Variants in DDR2 observed in about 807,000 individuals in gnomAD.
The protein encoded by DDR2 is discoidin domain receptor tyrosine kinase 2, also known as discoidin domain-containing receptor 2.
A neutral mutation model predicts 94.9 loss-of-function variants in DDR2; 27 were observed. The observed-to-expected ratio is 0.28, with a 90% CI of 0.21 to 0.39. DDR2 has a LOEUF of 0.39. Ranked by LOEUF, DDR2 falls within the 10% of genes least tolerant of loss-of-function variation. DDR2 has a pLI of 1.00. For synonymous variants in DDR2, 382 were observed against 377.2 expected (o/e 1.01, Z -0.15); for missense variants, 783 against 1,076.0 (o/e 0.73, Z 3.81).
At chr1:162,768,989 G>A (rs1394290241) in intron 11 of DDR2, among the ~76,000 whole-genome samples, 1 of 152,232 alleles carries the variant, frequency 6.6e-6, no homozygotes, top group East Asian at 1.9e-4. Context: ...TGAACTGCTT[G>A]AAGAGGATAT....
In DDR2 at chr1:162,645,038, C is replaced by T. The variant is rs116737688; in HGVS notation, c.-191-10173C>T. On this transcript the variant is annotated intron_variant, in intron 1 of 17. Coordinates refer to ENST00000367921, the MANE Select transcript of DDR2 (RefSeq NM_006182.4). ...TTGCTATTGGCAATGTAAGGTGGGT[C>T]GGAAAGTTTGTGAAGCAATGGCCAA... 2.9e-3 allele frequency among the ~76,000 whole-genome samples: 435 copies of T among 152,272 alleles called. 1 individual carries two copies. The highest frequency in any genetic ancestry group is 0.01 in the African/African-American group (419 of 41,552).
At chr1:162,721,139 TGA>T (rs1396883437) in intron 3 of DDR2, among the ~76,000 whole-genome samples, 2 of 152,150 alleles carry the variant, frequency 1.3e-5, no homozygotes, top group Non-Finnish European at 2.9e-5. Context: ...AAGAGTGCTG[TGA>T]GTGCATGGAA....
rs952554567 is a variant in DDR2, at chr1:162,763,452, G to A, written c.1099+1998G>A. On this transcript the variant is annotated intron_variant, in intron 9 of 17. Coordinates refer to ENST00000367921, the MANE Select transcript of DDR2 (RefSeq NM_006182.4). ...AACCTCAGGCGATCCAGCCGCCTAG[G>A]CCTCCCAAAGTGCTGGGATTACAGA... Among the ~76,000 whole-genome samples the A allele has an allele frequency of 2.9e-5, 4 of 138,858 alleles. No individual in the cohort carries two copies. The East Asian group carries it at 9.0e-4, about 31-fold the overall frequency. The allele number at this position is 138,858 out of a possible 152,430, so 91.1% of individuals were successfully genotyped here. A position where few individuals can be genotyped will look rare whatever the true frequency, so the allele number is the denominator to read the frequency against.
At chr1:162,750,340 T>C (rs886982149) in intron 3 of DDR2, among the ~76,000 whole-genome samples, 2 of 152,132 alleles carry the variant, frequency 1.3e-5, no homozygotes, top group African/African-American at 4.8e-5. Flanking sequence ...AGCATTCCTA[T>C]ACACCAATAA....
At chr1:162,657,669 TG>T (rs1054072607) in intron 2 of DDR2, among the ~76,000 whole-genome samples, 9 of 152,208 alleles carry the variant, frequency 5.9e-5, no homozygotes, top group African/African-American at 1.2e-4. Flanking sequence ...TAACAAGCTG[TG>T]GGGGGCCTGT....
rs1291613281 is a variant in DDR2, at chr1:162,755,197, G to T, written c.459G>T (p.Lys153Asn). The T allele has an allele frequency of 4.3e-6, 7 of 1,614,082 alleles. No homozygotes were observed. The highest frequency in any genetic ancestry group is 5.9e-6 in the Non-Finnish European group (7 of 1,180,012). Reference protein sequence around the residue: ...GNSNPYDIFLKDLEPPIVARF... With the variant: ...GNSNPYDIFLNDLEPPIVARF... The stretch of plus-strand genomic sequence containing the variant: ...GTAACCCCTATGACATTTTCCTAAA[G>T]GACTTGGAGCCGCCCATTGTAGCCA... The change falls in exon 6 of 18, where the codon AAG becomes AAT. Residue 153 changes from lysine (K) to asparagine (N), a missense_variant. Physicochemically the swap from Lys to Asn is moderately conservative, Grantham distance 94. Around this residue, in one of 2 missense-constraint regions of DDR2, gnomAD observed 519 missense variants for 647.9 expected, o/e 0.80. Transcript: ENST00000367921.
At chr1:162,764,133 C>G (rs992527444) in intron 9 of DDR2, among the ~76,000 whole-genome samples, 2 of 152,124 alleles carry the variant, frequency 1.3e-5, no homozygotes, top group African/African-American at 2.4e-5. Context: ...GTTAGGGTAA[C>G]AGTGGGATAA....
intron 1 of DDR2, among the ~76,000 whole-genome samples, chr1:162,633,959 G>A (rs1411117336): frequency 6.6e-6 from 1 of 152,212 alleles, no homozygotes; most frequent in African/African-American, 2.4e-5. Context: ...AGCGAAATGA[G>A]TTGCTCAAGG....
In DDR2 at chr1:162,780,418, CACTTT is replaced by C; in HGVS notation, c.*173_*177del. ...CCACTCCCTACCCCTGACTCATATA[CACTTT>C]TTTTTTTTTTTACATTAAAGAACTA... On this transcript the variant is annotated 3_prime_UTR_variant, in exon 18 of 18. Coordinates refer to ENST00000367921, the MANE Select transcript of DDR2 (RefSeq NM_006182.4). 3.7e-6 allele frequency: 3 copies of C among 813,290 alleles called. No individual in the cohort carries two copies. The highest frequency in any genetic ancestry group is 1.8e-5 in the South Asian group (1 of 55,380). The allele number at this position is 813,290 out of a possible 1,614,324, so 50.4% of individuals were successfully genotyped here. A position where few individuals can be genotyped will look rare whatever the true frequency, so the allele number is the denominator to read the frequency against.
intron 2 of DDR2, among the ~76,000 whole-genome samples, chr1:162,664,772 A>G (rs543672408): frequency 6.6e-6 from 1 of 152,330 alleles, no homozygotes; most frequent in East Asian, 1.9e-4. Flanking sequence ...TTCATCAGAA[A>G]AATAAATGAG....
chr1:162,684,810 C>CCAACA (rs754871590), intron 2 of DDR2, among the ~76,000 whole-genome samples: 1 of 131,940 alleles, frequency 7.6e-6, no homozygotes, highest in East Asian at 2.1e-4. Context: ...AACACACCCA[C>CCAACA]CAACACACAC....
chr1:162,711,873 T>C (rs1367256809), intron 2 of DDR2, among the ~76,000 whole-genome samples: 1 of 152,096 alleles, frequency 6.6e-6, no homozygotes, highest in Non-Finnish European at 1.5e-5. Flanking sequence ...CTATCATGTG[T>C]ATTTAGATCT....
At chr1:162,669,710 A>T (rs1658741322) in intron 2 of DDR2, among the ~76,000 whole-genome samples, 1 of 152,220 alleles carries the variant, frequency 6.6e-6, no homozygotes, top group Non-Finnish European at 1.5e-5. Flanking sequence ...CCTTTATGTG[A>T]ATTATTTAAT....
intron 2 of DDR2, among the ~76,000 whole-genome samples, chr1:162,672,439 T>C (rs1373211851): frequency 6.6e-6 from 1 of 152,164 alleles, no homozygotes; most frequent in African/African-American, 2.4e-5. Context: ...TTTTGCAAAG[T>C]AGTGCACAAA....
intron 2 of DDR2, among the ~76,000 whole-genome samples, chr1:162,672,687 A>G (rs1294792822): frequency 2.0e-5 from 3 of 152,322 alleles, no homozygotes; most frequent in African/African-American, 7.2e-5. Flanking sequence ...ATCTCCACTC[A>G]TAGTATTGTG....
chr1:162,699,855 T>C (rs1284070519), intron 2 of DDR2, among the ~76,000 whole-genome samples: 1 of 152,206 alleles, frequency 6.6e-6, no homozygotes. Context: ...ACATAAACAC[T>C]GAGATTTTTG....
At chr1:162,744,621 A>G (rs915111792) in intron 3 of DDR2, among the ~76,000 whole-genome samples, 3 of 152,140 alleles carry the variant, frequency 2.0e-5, no homozygotes, top group Admixed American at 6.6e-5. Context: ...CACCCATCAA[A>G]CCATCATCTA....
At position 162,786,129 on chromosome 1, in the gene DDR2, G is replaced by C. The variant is rs922625143; in HGVS notation, c.*5883G>C. On this transcript the variant is annotated 3_prime_UTR_variant, in exon 18 of 18. Transcript: ENST00000367921. ...CAATGGGATAAGGTAATCACTTTCA[G>C]TGAAAAACTGTTTTCTTGAAAACAG... 3.3e-5 allele frequency: 5 copies of C among 152,212 alleles called. No individual in the cohort carries two copies. Among genetic ancestry groups the C allele is most frequent in the Admixed American group, 1.3e-4 (2 of 15,276 alleles). 9.4% of individuals were successfully genotyped at this position (152,212 alleles called of 1,614,324 possible). A position where few individuals can be genotyped will look rare whatever the true frequency, so the allele number is the denominator to read the frequency against.
In DDR2 at chr1:162,699,592, C is replaced by A. The variant is rs144068644; in HGVS notation, c.-27-19445C>A. On this transcript the variant is annotated intron_variant, in intron 2 of 17. Transcript: ENST00000367921. ...AATATGGTTTCTACACACTGTCCAG[C>A]AGGTGGTTGGATACAGTTATGCCAT... is the stretch of plus-strand genomic sequence containing the variant. Among the ~76,000 whole-genome samples the A allele has an allele frequency of 4.4e-3, 666 of 152,280 alleles. 2 individuals are homozygous for A. The highest frequency in any genetic ancestry group is 6.7e-3 in the Non-Finnish European group (456 of 68,014).
Sources: gnomAD v4.1 joint callset for allele counts (sites outside exome capture counted in the v4.1 genomes callset) on GRCh38, gnomAD v4.1.1 for gene constraint, gnomAD v4.1.1 regional missense constraint, MANE v1.5 for transcripts, NCBI Gene and HGNC (gene_info 2026-07-23, HGNC 2026-07-21) for gene names.